UGT2A1: variants seen among roughly 807,000 people sequenced by gnomAD.
UGT2A1 encodes UDP-glucuronosyltransferase 2A1.
A neutral mutation model predicts 45.4 loss-of-function variants in UGT2A1; 61 were observed. That is an observed-to-expected ratio of 1.34 (90% confidence interval 1.09 to 1.66). UGT2A1 has a LOEUF of 1.66. Ranked by LOEUF, UGT2A1 falls within the 40% of genes most tolerant of loss-of-function variation. The pLI is 0.00. For synonymous variants in UGT2A1, 229 were observed against 196.2 expected (o/e 1.17, Z -1.40); for missense variants, 649 against 574.3 (o/e 1.13, Z -1.33).
chr4:69,622,772 T>C (rs946818934), intron 3 of UGT2A1, among the ~76,000 whole-genome samples: 2 of 151,692 alleles, frequency 1.3e-5, no homozygotes, highest in African/African-American at 4.8e-5. Flanking sequence ...ACATGACCCA[T>C]AGGGTCAACA....
At chr4:69,639,071 T>C (rs1406742663) in intron 2 of UGT2A1, 3 of 1,613,430 alleles carry the variant, frequency 1.9e-6, no homozygotes, top group Non-Finnish European at 2.5e-6. Flanking sequence ...TCCCACAGTG[T>C]CTCTCCACTG....
At chr4:69,635,357 C>T (rs1721615791) in intron 3 of UGT2A1, among the ~76,000 whole-genome samples, 1 of 152,102 alleles carries the variant, frequency 6.6e-6, no homozygotes, top group Non-Finnish European at 1.5e-5. Flanking sequence ...GACTGGAAAC[C>T]CAAAAGACAC....
In UGT2A1 at chr4:69,601,901, A is replaced by G. The variant is rs996703485; in HGVS notation, c.848-2507T>C. On this transcript the variant is annotated intron_variant, in intron 3 of 6. Transcript: ENST00000286604. ...CCCTCAGAGACTCTTACTCTTGGGC[A>G]AAGGAGGGCTGTACCACAACCATGC... 2.1e-4 allele frequency among the ~76,000 whole-genome samples: 29 copies of G among 136,944 alleles called. 7 individuals carry two copies. Among genetic ancestry groups the G allele is most frequent in the South Asian group, 7.3e-4 (3 of 4,132 alleles). The allele number at this position is 136,944 out of a possible 152,430, so 89.8% of individuals were successfully genotyped here.
intron 6 of UGT2A1, among the ~76,000 whole-genome samples, chr4:69,593,411 T>C (rs149240236): frequency 7.2e-5 from 11 of 151,990 alleles, no homozygotes; most frequent in Admixed American, 2.6e-4. Context: ...AGTTCAACTA[T>C]AAGTAGCTAA....
Position 69,618,636 on chromosome 4 carries a change from G to T in UGT2A1, c.847+17055C>A, listed in dbSNP as rs535487286. Among the ~76,000 whole-genome samples the T allele has an allele frequency of 3.3e-5, 5 of 151,768 alleles. No homozygotes were observed. In the East Asian group the frequency reaches 9.7e-4, roughly 29 times the overall value. ...TTGACCATTAATTCCTGAAACCCTC[G>T]ATACAGTAAAATCTTTATGCTTTTC... is the stretch of plus-strand genomic sequence containing the variant. On this transcript the variant is annotated intron_variant, in intron 3 of 6. Coordinates refer to ENST00000286604, the MANE Select transcript of UGT2A1 (RefSeq NM_001252275.3).
intron 3 of UGT2A1, among the ~76,000 whole-genome samples, chr4:69,608,756 C>A (rs540354190): frequency 6.6e-6 from 1 of 151,844 alleles, no homozygotes; most frequent in Non-Finnish European, 1.5e-5. Context: ...AGTGCAGTGG[C>A]GCCATCTCAG....
intron 3 of UGT2A1, among the ~76,000 whole-genome samples, chr4:69,607,947 T>C (rs1364599669): frequency 4.6e-5 from 7 of 152,120 alleles, no homozygotes; most frequent in African/African-American, 7.2e-5. Context: ...TGTCGAGAAA[T>C]AGGAACACTT....
At chr4:69,639,204 G>C (rs755399490) in intron 2 of UGT2A1, 2 of 1,613,540 alleles carry the variant, frequency 1.2e-6, no homozygotes. Flanking sequence ...CTGAAGTCTT[G>C]CCATCAACTT....
intron 3 of UGT2A1, among the ~76,000 whole-genome samples, chr4:69,632,313 G>A (rs966584799): frequency 1.3e-5 from 2 of 152,126 alleles, no homozygotes; most frequent in African/African-American, 4.8e-5. Context: ...TTAATAAGGG[G>A]TCTGCATTAA....
Position 69,589,405 on chromosome 4 carries a change from A to G in UGT2A1, c.1551T>C (p.Phe517=), listed in dbSNP as rs781566388. The change falls in exon 7 of 7, where the codon TTT becomes TTC. Residue 517 remains phenylalanine (F), a synonymous_variant. Coordinates refer to ENST00000286604, the MANE Select transcript of UGT2A1 (RefSeq NM_001252275.3). The part of the protein sequence containing the change: ...IQCCLFSCQK[F]GKIGKKKKRE ...TTTTTTTCTTCTTTCCTATCTTACCAAATTTTTGACAGGAAAACAAACAAC... is the reference window on the plus strand; with the variant it reads ...TTTTTTTCTTCTTTCCTATCTTACCGAATTTTTGACAGGAAAACAAACAAC... 1 of 1,613,458 alleles carries G rather than the reference A, an allele frequency of 6.2e-7. No individual in the cohort carries two copies. The highest frequency in any genetic ancestry group is 1.3e-5 in the African/African-American group (1 of 74,870).
At chr4:69,625,832 T>A (rs1721023074) in intron 3 of UGT2A1, among the ~76,000 whole-genome samples, 1 of 151,570 alleles carries the variant, frequency 6.6e-6, no homozygotes, top group African/African-American at 2.4e-5. Context: ...ATTAGTCTTG[T>A]AAGTTGTCCA....
At chr4:69,608,371 G>A (rs1378395251) in intron 3 of UGT2A1, among the ~76,000 whole-genome samples, 2 of 144,254 alleles carry the variant, frequency 1.4e-5, no homozygotes, top group Non-Finnish European at 3.0e-5. Flanking sequence ...ATTGAACAAT[G>A]AGAACATATG....
In UGT2A1 at chr4:69,599,370, G is replaced by A. The variant is rs757879923; in HGVS notation, c.872C>T (p.Thr291Ile). The A allele has an allele frequency of 1.2e-6, 2 of 1,613,660 alleles. No homozygotes were observed. The highest frequency in any genetic ancestry group is 1.7e-6 in the Non-Finnish European group (2 of 1,179,876). The part of the protein sequence containing the change: ...PAGRPTTLCE[T>I]MGKAEIWLIR... ...TAACCAAATTTCAGCTTTCCCCATA[G>A]TCTCACATAACGTAGTGGGTCTTCC... The change falls in exon 4 of 7, where the codon ACT becomes ATT. Residue 291 changes from threonine (T) to isoleucine (I), a missense_variant. Physicochemically the swap from Thr to Ile is moderately conservative, Grantham distance 89 (BLOSUM62 -1). Transcript: ENST00000286604.
At chr4:69,591,370 A>C (rs566714750) in intron 6 of UGT2A1, among the ~76,000 whole-genome samples, 52 of 152,270 alleles carry the variant, frequency 3.4e-4, no homozygotes, top group African/African-American at 1.3e-3. Flanking sequence ...CATCCAGGCT[A>C]TAGGTAAATT....
intron 3 of UGT2A1, among the ~76,000 whole-genome samples, chr4:69,600,569 G>A (rs1037642484): frequency 1.3e-5 from 2 of 152,162 alleles, no homozygotes; most frequent in African/African-American, 2.4e-5. Context: ...ATCTCAGTGG[G>A]TGTGTTAGGC....
Position 69,589,343 on chromosome 4 carries a change from A to T in UGT2A1, c.*29T>A. 6.4e-7 allele frequency: 1 copy of T among 1,567,576 alleles called. No homozygotes were observed. Among genetic ancestry groups the T allele is most frequent in the South Asian group, 1.2e-5 (1 of 84,294 alleles). On this transcript the variant is annotated 3_prime_UTR_variant, in exon 7 of 7. Coordinates refer to ENST00000286604, the MANE Select transcript of UGT2A1 (RefSeq NM_001252275.3). ...CTACTCAGGATTTTGCCAAACTTAAAAATATATATATTTCCTCTTTTTCTT... is the reference window on the plus strand; with the variant it reads ...CTACTCAGGATTTTGCCAAACTTAATAATATATATATTTCCTCTTTTTCTT...
At position 69,645,060 on chromosome 4, in the gene UGT2A1, A is replaced by C. The variant is rs561604259; in HGVS notation, c.715+1870T>G. Among the ~76,000 whole-genome samples the C allele has an allele frequency of 5.9e-5, 9 of 151,852 alleles. No individual in the cohort carries two copies. The South Asian group carries it at 1.9e-3, about 31-fold the overall frequency. On this transcript the variant is annotated intron_variant, in intron 2 of 6. Transcript: ENST00000286604. ...CTTTAAATTATTTTTAATAGCATTT[A>C]GGATGTTCATTCATTAGCTAGTAAA...
intron 2 of UGT2A1, among the ~76,000 whole-genome samples, chr4:69,641,148 A>G (rs1722029925): frequency 6.6e-6 from 1 of 151,958 alleles, no homozygotes; most frequent in Non-Finnish European, 1.5e-5. Flanking sequence ...ATCTCAATAC[A>G]TATAGATATC....
At chr4:69,626,362 A>AT (rs1406545789) in intron 3 of UGT2A1, among the ~76,000 whole-genome samples, 2 of 151,646 alleles carry the variant, frequency 1.3e-5, no homozygotes, top group African/African-American at 4.8e-5. Flanking sequence ...CAAAAAAAAA[A>AT]CTATATACAT....
Sources: allele counts gnomAD v4.1 joint callset (sites outside exome capture counted in the v4.1 genomes callset), GRCh38; gene constraint gnomAD v4.1.1; transcripts MANE v1.5; gene names NCBI Gene and HGNC (gene_info 2026-07-23, HGNC 2026-07-21).